Variants in C10orf67 observed in about 807,000 individuals in gnomAD.
C10orf67 encodes the protein chromosome 10 open reading frame 67, also known as uncharacterized protein C10orf67, mitochondrial.
In C10orf67, 60 loss-of-function variants were observed where a neutral mutation model predicts 35.6. The ratio of observed to expected loss-of-function variants is 1.68; its 90% CI spans 1.37 to 2.09. The LOEUF (loss-of-function observed/expected upper bound fraction) is 2.09, where lower values mean the gene tolerates loss of function less well. Among genes scored for constraint, C10orf67 ranks in the 30% most tolerant of loss-of-function variants. The pLI is 0.00. For synonymous variants in C10orf67, 167 were observed against 115.8 expected (o/e 1.44, Z -2.84); for missense variants, 474 against 330.2 (o/e 1.44, Z -3.38).
At chr10:23,319,932 T>C (rs187654558) in intron 4 of C10orf67, among the ~76,000 whole-genome samples, 1 of 152,212 alleles carries the variant, frequency 6.6e-6, no homozygotes, top group East Asian at 1.9e-4. Flanking sequence ...GAATGTGCAG[T>C]GGAGAGAATG....
chr10:23,214,379 G>A (rs1841381493), intron 15 of C10orf67, among the ~76,000 whole-genome samples: 1 of 152,086 alleles, frequency 6.6e-6, no homozygotes, highest in South Asian at 2.1e-4. Flanking sequence ...CAATCTGAAC[G>A]AAGCATATTT....
intron 12 of C10orf67, among the ~76,000 whole-genome samples, chr10:23,243,324 A>C: frequency 6.6e-6 from 1 of 152,206 alleles, no homozygotes; most frequent in East Asian, 1.9e-4. Flanking sequence ...TAAAAGATGG[A>C]AACAACAAAA....
chr10:23,330,206 C>T (rs1845393940), intron 2 of C10orf67, among the ~76,000 whole-genome samples: 1 of 152,160 alleles, frequency 6.6e-6, no homozygotes, highest in African/African-American at 2.4e-5. Context: ...GCCTGTATTC[C>T]CGACACTTTG....
intron 2 of C10orf67, among the ~76,000 whole-genome samples, chr10:23,326,606 C>T (rs1254030662): frequency 6.6e-6 from 1 of 152,048 alleles, no homozygotes; most frequent in Non-Finnish European, 1.5e-5. Context: ...TACTAGCTTT[C>T]CTCTTATTAG....
chr10:23,266,965 G>T (rs1264233935), intron 9 of C10orf67, among the ~76,000 whole-genome samples: 1 of 152,040 alleles, frequency 6.6e-6, no homozygotes, highest in Non-Finnish European at 1.5e-5. Flanking sequence ...GGCTGGTCTT[G>T]AACTCCTGGA....
chr10:23,329,458 C>G (rs994695537), intron 2 of C10orf67, among the ~76,000 whole-genome samples: 2 of 151,996 alleles, frequency 1.3e-5, no homozygotes, highest in Non-Finnish European at 2.9e-5. Context: ...CCAGTTCTAA[C>G]AAACATTGAA....
In C10orf67 at chr10:23,342,566, G is replaced by A. The variant is rs11013407; in HGVS notation, c.206+2003C>T. 4.1e-3 allele frequency among the ~76,000 whole-genome samples: 620 copies of A among 152,252 alleles called. 5 individuals are homozygous for A. The highest frequency in any genetic ancestry group is 0.014 in the African/African-American group (596 of 41,550). The stretch of plus-strand genomic sequence containing the variant: ...CGGTCTGCTCTTGAGCCTGGCAAGT[G>A]CATTTTTTTTTGGGAGCTACCCCAC... On this transcript the variant is annotated intron_variant, in intron 1 of 15. Transcript: ENST00000636213.
Position 23,335,058 on chromosome 10 carries a change from C to T in C10orf67, c.207-1876G>A, listed in dbSNP as rs187330388. 5.4e-3 allele frequency among the ~76,000 whole-genome samples: 827 copies of T among 151,990 alleles called. 4 individuals carry two copies. The highest frequency in any genetic ancestry group is 6.8e-3 in the Non-Finnish European group (460 of 67,970). On this transcript the variant is annotated intron_variant, in intron 1 of 15. Coordinates refer to ENST00000636213, the MANE Select transcript of C10orf67 (RefSeq NM_001371909.1). ...ACAAAATTAGCTGGGTGTGGTGGCA[C>T]GTGCCTGTAATCCCAGCTACTCGGG...
chr10:23,322,587 C>T (rs1845002519), intron 2 of C10orf67, 50 bp from the exon 3 acceptor site: 2 of 1,246,062 alleles, frequency 1.6e-6, no homozygotes, highest in Non-Finnish European at 1.1e-6. Flanking sequence ...GAACAGAAAA[C>T]CAAATACTGC....
intron 12 of C10orf67, among the ~76,000 whole-genome samples, chr10:23,244,278 T>C (rs1265810493): frequency 6.6e-6 from 1 of 152,200 alleles, no homozygotes; most frequent in Non-Finnish European, 1.5e-5. Context: ...AAATATATTG[T>C]ATGTCACAAC....
At chr10:23,222,022 T>C (rs1036041430) in intron 15 of C10orf67, among the ~76,000 whole-genome samples, 14 of 152,198 alleles carry the variant, frequency 9.2e-5, no homozygotes, top group South Asian at 2.1e-4. Flanking sequence ...CTGATTAATA[T>C]TCAGAATTAT....
intron 13 of C10orf67, among the ~76,000 whole-genome samples, chr10:23,230,993 T>A (rs1350249175): frequency 1.3e-5 from 2 of 152,284 alleles, no homozygotes; most frequent in East Asian, 3.9e-4. Flanking sequence ...GGAGACAGGG[T>A]CTTGCTCTAT....
chr10:23,320,885 G>T, intron 3 of C10orf67, 70 bp from the exon 4 acceptor site: 1 of 1,004,896 alleles, frequency 1.0e-6, no homozygotes, highest in Non-Finnish European at 1.5e-6. Flanking sequence ...TACTAGGGAG[G>T]GACTCATAGT....
At chr10:23,261,076 C>G in intron 10 of C10orf67, among the ~76,000 whole-genome samples, 1 of 152,190 alleles carries the variant, frequency 6.6e-6, no homozygotes, top group African/African-American at 2.4e-5. Context: ...TAAATGTTCA[C>G]TGTATACTTT....
intron 2 of C10orf67, among the ~76,000 whole-genome samples, chr10:23,326,306 T>C (rs1845190088): frequency 6.6e-6 from 1 of 152,126 alleles, no homozygotes; most frequent in African/African-American, 2.4e-5. Context: ...AACAGCTACA[T>C]ACAGGGGAAT....
chr10:23,227,349 T>C (rs1168912418), intron 13 of C10orf67, among the ~76,000 whole-genome samples: 5 of 152,148 alleles, frequency 3.3e-5, no homozygotes, highest in Non-Finnish European at 5.9e-5. Context: ...CATGATTATC[T>C]CAATAGATGC....
At chr10:23,246,467 C>A (rs1842319404) in intron 12 of C10orf67, among the ~76,000 whole-genome samples, 1 of 151,954 alleles carries the variant, frequency 6.6e-6, no homozygotes, top group Non-Finnish European at 1.5e-5. Flanking sequence ...AAATAAATAA[C>A]ACAAAATTGA....
chr10:23,222,420 A>G (rs993288146), intron 15 of C10orf67, among the ~76,000 whole-genome samples: 1 of 152,194 alleles, frequency 6.6e-6, no homozygotes, highest in African/African-American at 2.4e-5. Flanking sequence ...AGAAAACCAA[A>G]TACTGCATGT....
At position 23,291,216 on chromosome 10, in the gene C10orf67, T is replaced by C. The variant is rs1164847020; in HGVS notation, c.766A>G (p.Lys256Glu). Residue 256 changes from lysine to glutamate, a missense_variant, in exon 6 of 16, where the codon AAA becomes GAA. Coordinates refer to ENST00000636213, the MANE Select transcript of C10orf67 (RefSeq NM_001371909.1). ...SNLEKENLEY[K>E]VENERLLQII... Reference sequence around the variant, plus strand: ...TGAAGCAGCCTCTCATTTTCCACTTTGTACTCCAAATTTTCCTTTTCTAGG... The same window carrying C: ...TGAAGCAGCCTCTCATTTTCCACTTCGTACTCCAAATTTTCCTTTTCTAGG... 9.8e-6 allele frequency: 7 copies of C among 717,028 alleles called. No homozygotes were observed. The highest frequency in any genetic ancestry group is 1.8e-5 in the Non-Finnish European group (7 of 385,012). The allele number at this position is 717,028 out of a possible 1,614,324, so 44.4% of individuals were successfully genotyped here. A position where few individuals can be genotyped will look rare whatever the true frequency, so the allele number is the denominator to read the frequency against.
Sources: gnomAD v4.1 joint callset for allele counts (sites outside exome capture counted in the v4.1 genomes callset) on GRCh38, gnomAD v4.1.1 for gene constraint, MANE v1.5 for transcripts, NCBI Gene and HGNC (gene_info 2026-07-23, HGNC 2026-07-21) for gene names.